SPIRE2: variants seen among roughly 807,000 people sequenced by gnomAD.
SPIRE2 encodes the protein protein spire homolog 2.
Under a neutral mutation model 80.7 loss-of-function variants are expected in SPIRE2, and 76 were observed. The ratio of observed to expected loss-of-function variants is 0.94; its 90% confidence interval spans 0.78 to 1.14. The LOEUF (loss-of-function observed/expected upper bound fraction) is 1.14, where lower values mean the gene tolerates loss of function less well. Ranked by LOEUF, SPIRE2 falls within the 50% of genes most tolerant of loss-of-function variation. The probability of loss-of-function intolerance (pLI) is 0.00; values close to 1 mark genes in which losing one functional copy is unlikely to be tolerated. For synonymous variants in SPIRE2, 535 were observed against 432.6 expected, an observed-to-expected ratio of 1.24 and a Z score of -2.94; for missense variants, 1,196 against 1,015.3, an observed-to-expected ratio of 1.18 and a Z score of -2.42.
chr16:89,869,723 G>A (rs532527412), intron 14 of SPIRE2, 41 bp downstream of exon 14: 59 of 1,517,694 alleles, frequency 3.9e-5, no homozygotes, highest in South Asian at 3.3e-4. Context: ...TGTGGTGGTC[G>A]GGCGTGAAGA....
At chr16:89,847,730 G>T (rs1446405294) in intron 2 of SPIRE2, among the ~76,000 whole-genome samples, 1 of 152,242 alleles carries the variant, frequency 6.6e-6, no homozygotes, top group Admixed American at 6.5e-5. Flanking sequence ...CTGTGGGCGG[G>T]TGGAGGTGGG....
chr16:89,845,961 A>G, intron 2 of SPIRE2: 1 of 264,110 alleles, frequency 3.8e-6, no homozygotes, highest in Non-Finnish European at 7.1e-6. Context: ...CAGTGGTGTG[A>G]TCTCGGCTTA....
chr16:89,851,194 G>A (rs1007741154), intron 3 of SPIRE2, among the ~76,000 whole-genome samples: 3 of 152,168 alleles, frequency 2.0e-5, no homozygotes, highest in Admixed American at 6.5e-5. Flanking sequence ...CCCGTTGCCT[G>A]AGTTGTTATC....
chr16:89,856,208 G>GGTGC lies in SPIRE2; in HGVS notation c.1076_1079dup (p.Gly361AlafsTer57). ...TCAAGCAGGAGCGGAGGCTGCGCCC[G>GGTGC]GTGCGGGGCGAGGGCTGGGCTGCCC... On this transcript the variant is annotated frameshift_variant, in exon 7 of 15. Coordinates refer to ENST00000378247, the MANE Select transcript of SPIRE2 (RefSeq NM_032451.2). LOFTEE classifies it high-confidence loss of function. 6.3e-7 allele frequency: 1 copy of GGTGC among 1,591,688 alleles called. No homozygotes were observed. Among genetic ancestry groups the GGTGC allele is most frequent in the Admixed American group, 1.8e-5 (1 of 55,930 alleles).
intron 3 of SPIRE2, among the ~76,000 whole-genome samples, chr16:89,852,607 A>C (rs1488549103): frequency 4.6e-4 from 5 of 10,912 alleles, no homozygotes; most frequent in Admixed American, 1.0e-3. Context: ...TCCTCCCTCC[A>C]CCCCCCAGAT....
chr16:89,836,841 G>T (rs1291089908), intron 1 of SPIRE2, among the ~76,000 whole-genome samples: 2 of 151,086 alleles, frequency 1.3e-5, no homozygotes, highest in Non-Finnish European at 3.0e-5. Flanking sequence ...AAGAAAAAAA[G>T]AAAGTTAGCT....
chr16:89,851,736 C>T (rs2041629744), intron 3 of SPIRE2, among the ~76,000 whole-genome samples: 1 of 152,088 alleles, frequency 6.6e-6, no homozygotes, highest in Non-Finnish European at 1.5e-5. Context: ...TGCCTTTTAT[C>T]CCGTCAGCAT....
At chr16:89,837,923 G>A (rs1395185725) in intron 1 of SPIRE2, among the ~76,000 whole-genome samples, 1 of 152,212 alleles carries the variant, frequency 6.6e-6, no homozygotes, top group Non-Finnish European at 1.5e-5. Context: ...AGCAGGCTCT[G>A]TTTGCTAAAC....
In SPIRE2 at chr16:89,850,543, G is replaced by C. The variant is rs772626371; in HGVS notation, c.528G>C (p.Ala176=). ...RTFAQAMRLC[A]ARLTDPRGAQ... The stretch of plus-strand genomic sequence containing the variant: ...TTGCCCAGGCCATGCGGCTGTGCGC[G>C]GCGCGGCTGACCGACCCCCGGGGCG... The change falls in exon 3 of 15, where the codon GCG becomes GCC. Residue 176 remains alanine, a synonymous_variant. Coordinates refer to ENST00000378247, the MANE Select transcript of SPIRE2 (RefSeq NM_032451.2). 1.3e-5 allele frequency: 19 copies of C among 1,512,938 alleles called. No individual in the cohort carries two copies. Among genetic ancestry groups the C allele is most frequent in the East Asian group, 2.4e-5 (1 of 40,912 alleles). The allele number at this position is 1,512,938 out of a possible 1,614,324, so 93.7% of individuals were successfully genotyped here. A position where few individuals can be genotyped will look rare whatever the true frequency, so the allele number is the denominator to read the frequency against.
chr16:89,855,705 C>T lies in SPIRE2; in HGVS notation c.978+19C>T, dbSNP rs779809315. 5 of 1,611,566 alleles carry T rather than the reference C, an allele frequency of 3.1e-6. No homozygotes were observed. The African/African-American group carries it at 4.0e-5, about 13-fold the overall frequency. On this transcript the variant is annotated intron_variant, in intron 6 of 14. Transcript: ENST00000378247. The stretch of plus-strand genomic sequence containing the variant: ...GAAGCAGGTGCTGCCCCAGCCTCCT[C>T]CTCCTCAGGGGCCGCCCGGGGCCTG...
chr16:89,854,481 G>A lies in SPIRE2; in HGVS notation c.727-6G>A. On this transcript the variant is annotated splice_polypyrimidine_tract_variant and splice_region_variant and intron_variant, in intron 4 of 14. Coordinates refer to ENST00000378247, the MANE Select transcript of SPIRE2 (RefSeq NM_032451.2). ...CTGAGACCCATTCTCTTCCCCTGGGGCCCAGGCCCGACTGTGGGTTCAGCT... is the reference window on the plus strand; with the variant it reads ...CTGAGACCCATTCTCTTCCCCTGGGACCCAGGCCCGACTGTGGGTTCAGCT... 4 of 1,611,972 alleles carry A rather than the reference G, an allele frequency of 2.5e-6. No individual in the cohort carries two copies. Among genetic ancestry groups the A allele is most frequent in the Non-Finnish European group, 3.4e-6 (4 of 1,179,408 alleles).
intron 3 of SPIRE2, among the ~76,000 whole-genome samples, chr16:89,851,513 C>G (rs575676983): frequency 5.3e-5 from 8 of 152,278 alleles, no homozygotes; most frequent in African/African-American, 1.2e-4. Flanking sequence ...GGCTGGGACC[C>G]TTGCCCGAAG....
intron 1 of SPIRE2, among the ~76,000 whole-genome samples, chr16:89,829,071 G>T (rs1555586671): frequency 6.6e-6 from 1 of 152,208 alleles, no homozygotes. Flanking sequence ...GGAGCGGGCT[G>T]CTCCCCAGTG....
At chr16:89,866,986 CTG>C (rs1431574164) in intron 12 of SPIRE2, among the ~76,000 whole-genome samples, 4 of 152,164 alleles carry the variant, frequency 2.6e-5, no homozygotes, top group Non-Finnish European at 4.4e-5. Context: ...CTGTTTAAAA[CTG>C]AGCATCTCAG....
intron 12 of SPIRE2, among the ~76,000 whole-genome samples, chr16:89,867,014 C>G (rs1237353411): frequency 6.6e-6 from 1 of 152,180 alleles, no homozygotes; most frequent in African/African-American, 2.4e-5. Flanking sequence ...GCCCCTCTAG[C>G]TTCCATGGTG....
At chr16:89,840,594 C>A (rs567933260) in intron 1 of SPIRE2, among the ~76,000 whole-genome samples, 1 of 149,728 alleles carries the variant, frequency 6.7e-6, no homozygotes, top group African/African-American at 2.5e-5. Context: ...ATGTTTCTCT[C>A]AAAAGTTGGA....
chr16:89,837,535 G>A (rs1242792690), intron 1 of SPIRE2, among the ~76,000 whole-genome samples: 1 of 152,222 alleles, frequency 6.6e-6, no homozygotes, highest in Non-Finnish European at 1.5e-5. Flanking sequence ...TTTCTGCTGT[G>A]ACCAGCGGTG....
intron 2 of SPIRE2, among the ~76,000 whole-genome samples, chr16:89,849,569 G>A (rs1034956476): frequency 1.3e-5 from 2 of 152,124 alleles, no homozygotes; most frequent in Admixed American, 6.5e-5. Context: ...ATTGTCCATC[G>A]ACCTCCTGTG....
chr16:89,862,841 C>T (rs1013654485), intron 10 of SPIRE2: 1 of 153,118 alleles, frequency 6.5e-6, no homozygotes, highest in Admixed American at 6.5e-5. Flanking sequence ...ACACTGCGAA[C>T]GCTGTGCTGG....
Sources: gnomAD v4.1 joint callset for allele counts (sites outside exome capture counted in the v4.1 genomes callset) on GRCh38, gnomAD v4.1.1 for gene constraint, MANE v1.5 for transcripts, NCBI Gene and HGNC (gene_info 2026-07-23, HGNC 2026-07-21) for gene names.